STK17A: variants seen among roughly 807,000 people sequenced by gnomAD.
STK17A encodes serine/threonine kinase 17a, also known as serine/threonine-protein kinase 17A.
In STK17A, 26 loss-of-function variants were observed where a neutral mutation model predicts 43.7. That is an observed-to-expected ratio of 0.60 (90% CI 0.44 to 0.83). STK17A has a LOEUF of 0.83. STK17A is among the 40% of genes least tolerant of loss of function. STK17A has a pLI of 0.00. For synonymous variants in STK17A, 191 were observed against 182.5 expected (o/e 1.05, Z -0.38); for missense variants, 476 against 511.6 (o/e 0.93, Z 0.67).
In STK17A at chr7:43,624,694, T is replaced by C; in HGVS notation, c.1097T>C (p.Val366Ala). ...TDKSETKESIVTEELIVVTSY... is the reference protein window; with the variant it reads ...TDKSETKESIATEELIVVTSY... ...AAATCAGAAACCAAGGAATCCATTG[T>C]AACCGAAGAGTTAATTGTAGTTACT... The change falls in exon 7 of 7, where the codon GTA (valine) becomes GCA (alanine). Residue 366 changes from valine to alanine, a missense_variant. By Grantham distance (64) the Val-to-Ala change is moderately conservative. Around this residue, in one of 3 missense-constraint regions of STK17A, gnomAD observed 110 missense variants for 103.7 expected, o/e 1.06. Transcript: ENST00000319357. The C allele has an allele frequency of 1.2e-6, 2 of 1,614,140 alleles. No homozygotes were observed. Among genetic ancestry groups the C allele is most frequent in the East Asian group, 4.5e-5 (2 of 44,872 alleles).
chr7:43,596,142 T>A, intron 2 of STK17A, 29 bp downstream of exon 2: 2 of 1,582,464 alleles, frequency 1.3e-6, no homozygotes, highest in Non-Finnish European at 1.7e-6. Context: ...AGATTAAGTT[T>A]GTTTGGTAGT....
At chr7:43,621,126 A>G (rs2083844378) in intron 4 of STK17A, among the ~76,000 whole-genome samples, 1 of 152,276 alleles carries the variant, frequency 6.6e-6, no homozygotes, top group East Asian at 1.9e-4. Flanking sequence ...CTGTATGGCA[A>G]TGATAGTTCA....
At chr7:43,593,696 T>TCAA (rs1554478395) in intron 1 of STK17A, among the ~76,000 whole-genome samples, 1 of 146,324 alleles carries the variant, frequency 6.8e-6, no homozygotes, top group Non-Finnish European at 1.5e-5. Context: ...TCTGTTCATA[T>TCAA]AAAAAAAAAA....
Position 43,608,395 on chromosome 7 carries a change from T to C in STK17A, c.559T>C (p.Leu187=). The C allele has an allele frequency of 6.2e-7, 1 of 1,600,200 alleles. No homozygotes were observed. Among genetic ancestry groups the C allele is most frequent in the Non-Finnish European group, 8.5e-7 (1 of 1,175,464 alleles). The change falls in exon 3 of 7, where the codon TTG becomes CTG. Residue 187 remains leucine (L), a synonymous_variant. Coordinates refer to ENST00000319357, the MANE Select transcript of STK17A (RefSeq NM_004760.3). ...LHTRDVVHLD[L]KPQNILLTSE... ...CACTCGTGATGTAGTTCATCTTGAT[T>C]TGAAGGTAAGATTCAAATTACAATT...
intron 3 of STK17A, among the ~76,000 whole-genome samples, chr7:43,613,574 G>A (rs1271975338): frequency 6.6e-6 from 1 of 152,086 alleles, no homozygotes; most frequent in East Asian, 1.9e-4. Flanking sequence ...CAGGTGTGGT[G>A]GCTCACACCT....
At chr7:43,594,144 G>A (rs1487718573) in intron 1 of STK17A, among the ~76,000 whole-genome samples, 15 of 152,260 alleles carry the variant, frequency 9.9e-5, no homozygotes, top group Non-Finnish European at 1.5e-5. Context: ...TGTAATCCCA[G>A]CTATACAGGA....
At chr7:43,618,145 CA>C (rs2083514511) in intron 3 of STK17A, among the ~76,000 whole-genome samples, 1 of 152,116 alleles carries the variant, frequency 6.6e-6, no homozygotes. Context: ...GAGACAGAAA[CA>C]AACAGCTAAC....
In STK17A at chr7:43,583,127, G is replaced by A; in HGVS notation, c.-117G>A. 9.0e-7 allele frequency: 1 copy of A among 1,117,116 alleles called. No individual in the cohort carries two copies. The highest frequency in any genetic ancestry group is 1.3e-6 in the Non-Finnish European group (1 of 793,380). 69.2% of individuals were successfully genotyped at this position (1,117,116 alleles called of 1,614,324 possible). A position where few individuals can be genotyped will look rare whatever the true frequency, so the allele number is the denominator to read the frequency against. ...CCTGCCGCAGTCCGAGCGCCGCGCT[G>A]GGGAGAGCGGGTGTTTGAAGGCTCC... is the stretch of plus-strand genomic sequence containing the variant. On this transcript the variant is annotated 5_prime_UTR_variant, in exon 1 of 7. Coordinates refer to ENST00000319357, the MANE Select transcript of STK17A (RefSeq NM_004760.3).
chr7:43,619,614 G>T lies in STK17A; in HGVS notation c.582G>T (p.Leu194Phe). ...TCTTTTAGCCTCAGAATATTCTGTT[G>T]ACAAGTGAATCTCCATTGGGTGACA... ...HLDLKPQNIL[L>F]TSESPLGDIK... The change falls in exon 4 of 7, where the codon TTG becomes TTT. Residue 194 changes from leucine to phenylalanine, a missense_variant. Physicochemically the swap from Leu to Phe is conservative, Grantham distance 22. Transcript: ENST00000319357. 1 of 1,613,818 alleles carries T rather than the reference G, an allele frequency of 6.2e-7. No homozygotes were observed. The highest frequency in any genetic ancestry group is 1.1e-5 in the South Asian group (1 of 90,994).
At chr7:43,602,308 T>G (rs912314804) in intron 2 of STK17A, among the ~76,000 whole-genome samples, 1 of 152,214 alleles carries the variant, frequency 6.6e-6, no homozygotes, top group African/African-American at 2.4e-5. Context: ...TTGACTCTTA[T>G]GTCTTGCCTT....
At chr7:43,588,818 T>C (rs7798706) in intron 1 of STK17A, among the ~76,000 whole-genome samples, 59,799 of 150,772 alleles carry the variant, frequency 0.4, 13,168 homozygotes, top group Admixed American at 0.47. Context: ...GGTGACAGAG[T>C]GGGACTGTGT....
At chr7:43,596,492 CTA>C (rs1452618873) in intron 2 of STK17A, among the ~76,000 whole-genome samples, 1 of 152,178 alleles carries the variant, frequency 6.6e-6, no homozygotes, top group African/African-American at 2.4e-5. Flanking sequence ...TTGATTCTTA[CTA>C]TGTTTTCAAT....
At chr7:43,616,170 G>C (rs1453630735) in intron 3 of STK17A, among the ~76,000 whole-genome samples, 1 of 152,168 alleles carries the variant, frequency 6.6e-6, no homozygotes, top group Non-Finnish European at 1.5e-5. Flanking sequence ...TATCTCCTCT[G>C]TAATTTTCCA....
chr7:43,610,050 T>C (rs548735426), intron 3 of STK17A, among the ~76,000 whole-genome samples: 1 of 152,342 alleles, frequency 6.6e-6, no homozygotes, highest in Non-Finnish European at 1.5e-5. Flanking sequence ...ACTTTAAGAA[T>C]TGCTATATGG....
chr7:43,585,584 T>A (rs2082432945), intron 1 of STK17A, among the ~76,000 whole-genome samples: 2 of 151,598 alleles, frequency 1.3e-5, no homozygotes, highest in South Asian at 4.1e-4. Flanking sequence ...ATTAAATCTA[T>A]TCTTTCCCTT....
intron 3 of STK17A, among the ~76,000 whole-genome samples, chr7:43,610,104 T>TAAAA (rs2082716015): frequency 6.6e-6 from 1 of 152,128 alleles, no homozygotes; most frequent in Non-Finnish European, 1.5e-5. Context: ...CCCAGCACTT[T>TAAAA]GGGAGGCCGA....
intron 1 of STK17A, among the ~76,000 whole-genome samples, chr7:43,591,365 A>G (rs1408934209): frequency 6.6e-6 from 1 of 151,576 alleles, no homozygotes; most frequent in Admixed American, 6.6e-5. Context: ...TTGGAAGCCA[A>G]ACATACCCAT....
chr7:43,614,226 G>A (rs1021728905), intron 3 of STK17A, among the ~76,000 whole-genome samples: 5 of 152,118 alleles, frequency 3.3e-5, no homozygotes, highest in Admixed American at 6.5e-5. Flanking sequence ...TGAAGATACC[G>A]AGATAAATAA....
chr7:43,602,246 C>CT (rs2082561006), intron 2 of STK17A, among the ~76,000 whole-genome samples: 1 of 152,250 alleles, frequency 6.6e-6, no homozygotes, highest in African/African-American at 2.4e-5. Flanking sequence ...GTTCTTTTCC[C>CT]TTTGTTTTCT....
Sources: gnomAD v4.1 joint callset for allele counts (sites outside exome capture counted in the v4.1 genomes callset) on GRCh38, gnomAD v4.1.1 for gene constraint, gnomAD v4.1.1 regional missense constraint, MANE v1.5 for transcripts, NCBI Gene and HGNC (gene_info 2026-07-23, HGNC 2026-07-21) for gene names.